Variants in INPP4B observed in about 807,000 individuals in gnomAD.
The protein encoded by INPP4B is inositol polyphosphate 4-phosphatase type II.
In INPP4B, 55 loss-of-function variants were observed where a neutral mutation model predicts 122.5. The ratio of observed to expected loss-of-function variants is 0.45; its 90% CI spans 0.36 to 0.56. INPP4B has a LOEUF of 0.56. Among genes scored for constraint, INPP4B ranks in the 20% least tolerant of loss-of-function variants. The probability of loss-of-function intolerance (pLI) is 0.00; values close to 1 mark genes in which losing one functional copy is unlikely to be tolerated. For synonymous variants in INPP4B, 403 were observed against 388.7 expected, an observed-to-expected ratio of 1.04 and a Z score of -0.43; for missense variants, 1,000 against 1,097.7, an observed-to-expected ratio of 0.91 and a Z score of 1.26.
chr4:142,049,750 A>G (rs1364563481), intron 25 of INPP4B, among the ~76,000 whole-genome samples: 2 of 152,086 alleles, frequency 1.3e-5, no homozygotes, highest in Non-Finnish European at 1.5e-5. Flanking sequence ...CATATAATCT[A>G]TGATTGGTAC....
intron 2 of INPP4B, among the ~76,000 whole-genome samples, chr4:142,482,602 C>T (rs1204642668): frequency 6.6e-6 from 1 of 152,140 alleles, no homozygotes; most frequent in African/African-American, 2.4e-5. Flanking sequence ...GGTGGACTCT[C>T]TTTTCTCTAA....
At chr4:142,573,832 A>C (rs1395882408) in intron 2 of INPP4B, among the ~76,000 whole-genome samples, 1 of 152,096 alleles carries the variant, frequency 6.6e-6, no homozygotes, top group Non-Finnish European at 1.5e-5. Context: ...TCTCTTCCTT[A>C]TCAAATCTAC....
intron 16 of INPP4B, among the ~76,000 whole-genome samples, chr4:142,170,912 T>G (rs1282323437): frequency 5.3e-5 from 8 of 151,762 alleles, no homozygotes; most frequent in African/African-American, 1.7e-4. Flanking sequence ...GGATGGAATT[T>G]TGGTTGGGGA....
At chr4:142,760,154 T>C (rs945022391) in intron 1 of INPP4B, among the ~76,000 whole-genome samples, 1 of 152,102 alleles carries the variant, frequency 6.6e-6, no homozygotes, top group Non-Finnish European at 1.5e-5. Flanking sequence ...AGTTCACAAA[T>C]ATCCAGAAAC....
In INPP4B at chr4:142,145,990, C is replaced by G. The variant is rs992654738; in HGVS notation, c.1570G>C (p.Val524Leu). Residue 524 changes from valine to leucine, a missense_variant, in exon 18 of 26, where the codon GTG becomes CTG. Transcript: ENST00000262992. Reference sequence around the variant, plus strand: ...AGGCTCTTCCCCACATTGGCCCACACCCTGTCCTGAAAAAAGCATGAGTAT... The same window carrying G: ...AGGCTCTTCCCCACATTGGCCCACAGCCTGTCCTGAAAAAAGCATGAGTAT... Reference protein sequence around the residue: ...SDYDEEEWDRVWANVGKSLNC... With the variant: ...SDYDEEEWDRLWANVGKSLNC... 4.3e-6 allele frequency: 7 copies of G among 1,610,954 alleles called. No homozygotes were observed. Among genetic ancestry groups the G allele is most frequent in the Non-Finnish European group, 5.9e-6 (7 of 1,178,386 alleles).
intron 1 of INPP4B, among the ~76,000 whole-genome samples, chr4:142,751,252 T>C (rs1437450534): frequency 1.4e-5 from 1 of 69,640 alleles, no homozygotes; most frequent in Non-Finnish European, 3.1e-5. Flanking sequence ...CTTGTTTTCA[T>C]AAAAAGCCAA....
intron 25 of INPP4B, among the ~76,000 whole-genome samples, chr4:142,044,623 C>A (rs1355853561): frequency 2.0e-5 from 3 of 151,794 alleles, no homozygotes; most frequent in African/African-American, 7.3e-5. Flanking sequence ...GAAAAAAAAA[C>A]ACACAGAACC....
chr4:142,035,561 T>C (rs1743338919), intron 25 of INPP4B, among the ~76,000 whole-genome samples: 1 of 152,150 alleles, frequency 6.6e-6, no homozygotes, highest in African/African-American at 2.4e-5. Flanking sequence ...TACCAGGAGG[T>C]GGGTGGAGGA....
intron 1 of INPP4B, among the ~76,000 whole-genome samples, chr4:142,732,630 T>A: frequency 6.6e-6 from 1 of 151,286 alleles, no homozygotes; most frequent in East Asian, 2.0e-4. Flanking sequence ...TAACAAAAGA[T>A]GTTCGTGATA....
intron 25 of INPP4B, among the ~76,000 whole-genome samples, chr4:142,042,508 ATGTG>A (rs368600069): frequency 0.68 from 97,312 of 142,140 alleles, 33,461 homozygotes; most frequent in South Asian, 0.79. Flanking sequence ...CTGCCAATTT[ATGTG>A]TGTGTGTATG....
intron 3 of INPP4B, among the ~76,000 whole-genome samples, chr4:142,436,440 T>A (rs1810537252): frequency 6.6e-6 from 1 of 152,152 alleles, no homozygotes; most frequent in Non-Finnish European, 1.5e-5. Flanking sequence ...CTGCTTCCCA[T>A]GCCACCCAAC....
chr4:142,561,612 G>T (rs554881302), intron 2 of INPP4B, among the ~76,000 whole-genome samples: 1 of 152,030 alleles, frequency 6.6e-6, no homozygotes, highest in African/African-American at 2.4e-5. Context: ...GTAGAGACGG[G>T]GTTTCACCAT....
intron 2 of INPP4B, among the ~76,000 whole-genome samples, chr4:142,680,555 G>A (rs1431426573): frequency 6.6e-6 from 1 of 151,788 alleles, no homozygotes; most frequent in Non-Finnish European, 1.5e-5. Context: ...GGTTCTACTT[G>A]ACATGAAACA....
intron 11 of INPP4B, among the ~76,000 whole-genome samples, chr4:142,238,534 C>T (rs1383118547): frequency 6.6e-6 from 1 of 152,080 alleles, no homozygotes; most frequent in Non-Finnish European, 1.5e-5. Context: ...AAAGGTCTTA[C>T]TAAATGTTAT....
intron 2 of INPP4B, among the ~76,000 whole-genome samples, chr4:142,534,242 A>T (rs1386878778): frequency 6.6e-6 from 1 of 152,106 alleles, no homozygotes; most frequent in African/African-American, 2.4e-5. Flanking sequence ...AATAATTTCA[A>T]TTGCTGTGCT....
intron 11 of INPP4B, among the ~76,000 whole-genome samples, chr4:142,258,813 A>G (rs965453404): frequency 1.3e-5 from 2 of 152,218 alleles, no homozygotes; most frequent in African/African-American, 4.8e-5. Context: ...TCAGGGATCT[A>G]GAACTAGAAA....
chr4:142,167,027 C>T (rs1255250160), intron 16 of INPP4B, among the ~76,000 whole-genome samples: 3 of 151,892 alleles, frequency 2.0e-5, no homozygotes, highest in South Asian at 4.1e-4. Flanking sequence ...TCTGACCCAG[C>T]GATCTCATTA....
chr4:142,295,879 C>T (rs1012241596), intron 9 of INPP4B, among the ~76,000 whole-genome samples: 5 of 151,932 alleles, frequency 3.3e-5, no homozygotes, highest in South Asian at 2.1e-4. Flanking sequence ...ATAAATGTGT[C>T]CAGTGAAGCA....
chr4:142,218,594 G>T (rs1369345073), intron 12 of INPP4B, among the ~76,000 whole-genome samples: 2 of 152,100 alleles, frequency 1.3e-5, no homozygotes, highest in Non-Finnish European at 2.9e-5. Flanking sequence ...TGTTATTTGA[G>T]ACTGTTATAA....
Sources: gnomAD v4.1 joint callset for allele counts (sites outside exome capture counted in the v4.1 genomes callset) on GRCh38, gnomAD v4.1.1 for gene constraint, MANE v1.5 for transcripts, NCBI Gene and HGNC (gene_info 2026-07-23, HGNC 2026-07-21) for gene names.